The following SEPTIN3 variants were observed in gnomAD, a reference collection of about 807,000 sequenced individuals.
SEPTIN3 encodes the protein neuronal-specific septin-3.
In SEPTIN3, 15 loss-of-function variants were observed where a neutral mutation model predicts 45.1. That is an observed-to-expected ratio of 0.33 (90% CI 0.22 to 0.51). The LOEUF (loss-of-function observed/expected upper bound fraction) is 0.51, where lower values mean the gene tolerates loss of function less well. Among genes scored for constraint, SEPTIN3 ranks in the 20% least tolerant of loss-of-function variants. The probability of loss-of-function intolerance (pLI) is 0.97; values close to 1 mark genes in which losing one functional copy is unlikely to be tolerated. For missense variants in SEPTIN3, 289 were observed against 457.2 expected, an observed-to-expected ratio of 0.63 and a Z score of 3.35; for synonymous variants, 148 against 164.8, an observed-to-expected ratio of 0.90 and a Z score of 0.78.
In SEPTIN3 at chr22:41,994,172, G is replaced by A. The variant is rs1465851095; in HGVS notation, c.2360-118G>A. ...AATCTCTGGAAGGGTTACAAAAAAT[G>A]ACCTGTCCCATAGCTTTCTCCTAAA... On this transcript the variant is annotated intron_variant, in intron 9 of 11. Coordinates refer to ENST00000644076, the MANE Select transcript of SEPTIN3 (RefSeq NM_001363845.2). The surrounding 1 kb of genome is among the most constrained non-coding windows in gnomAD (Gnocchi z 4.2). 2 of 834,414 alleles carry A rather than the reference G, an allele frequency of 2.4e-6. No individual in the cohort carries two copies. Among genetic ancestry groups the A allele is most frequent in the Non-Finnish European group, 3.9e-6 (2 of 513,856 alleles). 51.7% of individuals were successfully genotyped at this position (834,414 alleles called of 1,614,324 possible).
intron 6 of SEPTIN3, among the ~76,000 whole-genome samples, chr22:41,988,333 G>A (rs1046727293): frequency 3.9e-5 from 6 of 152,172 alleles, no homozygotes; most frequent in African/African-American, 1.4e-4. Context: ...CTGATTGTGA[G>A]TGACAGGTGG....
At chr22:41,988,302 C>T (rs1403386404) in intron 6 of SEPTIN3, among the ~76,000 whole-genome samples, 2 of 152,230 alleles carry the variant, frequency 1.3e-5, no homozygotes, top group South Asian at 2.1e-4. Context: ...GAATAAGACA[C>T]ACACAAGCAT....
In SEPTIN3 at chr22:41,988,323, C is replaced by CTT. The variant is rs555380469; in HGVS notation, c.2045+565_2045+566insTT. Among the ~76,000 whole-genome samples, 9 of 152,212 alleles carry CTT rather than the reference C, an allele frequency of 5.9e-5. No homozygotes were observed. In the South Asian group the frequency reaches 1.9e-3, roughly 32 times the overall value. On this transcript the variant is annotated intron_variant, in intron 6 of 11. Transcript: ENST00000644076. ...GACACACACAAGCATGTTGGGAACT[C>CTT]TGATTGTGAGTGACAGGTGGGCCCC...
At chr22:41,987,031 C>T (rs2078220743) in intron 4 of SEPTIN3, among the ~76,000 whole-genome samples, 175 bp from the exon 5 acceptor site, 1 of 152,090 alleles carries the variant, frequency 6.6e-6, no homozygotes, top group South Asian at 2.1e-4. Flanking sequence ...ATTCCAGATT[C>T]CAGGTACAGG....
rs185409765 is a variant in SEPTIN3, at chr22:41,994,070, G to C, written c.2360-220G>C. Among the ~76,000 whole-genome samples, 1 of 152,122 alleles carries C rather than the reference G, an allele frequency of 6.6e-6. No homozygotes were observed. The highest frequency in any genetic ancestry group is 2.4e-5 in the African/African-American group (1 of 41,416). On this transcript the variant is annotated intron_variant, in intron 9 of 11. Transcript: ENST00000644076. This position sits in a 1 kb window ranked among gnomAD's most constrained non-coding sequence, Gnocchi z 4.2. ...TCCCTCTTGGCTATTATGCCACAGCGTCTAGAAGGATGTCGTGCCCATTGT... is the reference window on the plus strand; with the variant it reads ...TCCCTCTTGGCTATTATGCCACAGCCTCTAGAAGGATGTCGTGCCCATTGT...
intron 3 of SEPTIN3, among the ~76,000 whole-genome samples, chr22:41,983,002 C>T (rs563917077): frequency 7.2e-5 from 11 of 152,138 alleles, no homozygotes; most frequent in Non-Finnish European, 1.0e-4. Context: ...TGTCCTCTTC[C>T]TCCTTCATCC....
In SEPTIN3 at chr22:41,972,478, C is replaced by A; in HGVS notation, c.986C>A (p.Thr329Lys). Reference protein sequence around the residue: ...GKTVNLATAGTIKPGTAMNLT... With the variant: ...GKTVNLATAGKIKPGTAMNLT... ...ACCGTGAACTTGGCTACAGCAGGCA[C>A]AATCAAGCCGGGCACAGCCATGAAT... Residue 329 changes from threonine to lysine, a missense_variant, in exon 2 of 12, where the codon ACA becomes AAA. By Grantham distance (78) the Thr-to-Lys change is moderately conservative (BLOSUM62 -1). This residue lies in a region of SEPTIN3 where 200 missense variants were observed against 315.1 expected (regional missense o/e 0.63). Coordinates refer to ENST00000644076, the MANE Select transcript of SEPTIN3 (RefSeq NM_001363845.2). 2.5e-6 allele frequency: 1 copy of A among 399,074 alleles called. No individual in the cohort carries two copies. Among genetic ancestry groups the A allele is most frequent in the Non-Finnish European group, 4.4e-6 (1 of 226,108 alleles). 24.7% of individuals were successfully genotyped at this position (399,074 alleles called of 1,614,324 possible). A position where few individuals can be genotyped will look rare whatever the true frequency, so the allele number is the denominator to read the frequency against.
At chr22:41,981,485 CTT>C in intron 2 of SEPTIN3, 158 bp from the exon 3 acceptor site, 1 of 599,486 alleles carries the variant, frequency 1.7e-6, no homozygotes, top group Non-Finnish European at 2.9e-6. Context: ...GCCTCAGTCT[CTT>C]TGTCTATGAA....
chr22:41,978,743 G>A (rs931016023), intron 2 of SEPTIN3, among the ~76,000 whole-genome samples: 6 of 152,166 alleles, frequency 3.9e-5, no homozygotes, highest in Non-Finnish European at 5.9e-5. Flanking sequence ...ACCCCCATTT[G>A]ACAGCATATG....
Position 41,996,768 on chromosome 22 carries a change from C to A in SEPTIN3, c.2506-134C>A. On this transcript the variant is annotated intron_variant, in intron 11 of 11. Transcript: ENST00000644076. Reference sequence around the variant, plus strand: ...AAGATCTATGGGCATGGGAGGTGGGCGTTGGAAAGGCTGAGTAGGAATGGT... The same window carrying A: ...AAGATCTATGGGCATGGGAGGTGGGAGTTGGAAAGGCTGAGTAGGAATGGT... 5 of 1,524,248 alleles carry A rather than the reference C, an allele frequency of 3.3e-6. No homozygotes were observed. The South Asian group carries it at 6.5e-5, about 20-fold the overall frequency. The allele number at this position is 1,524,248 out of a possible 1,614,324, so 94.4% of individuals were successfully genotyped here.
intron 1 of SEPTIN3, 83 bp from the exon 2 acceptor site, chr22:41,971,391 C>A: frequency 2.5e-6 from 1 of 398,150 alleles, no homozygotes; most frequent in Non-Finnish European, 4.4e-6. Flanking sequence ...TGCTCAGCTG[C>A]TGGTCAGGAA....
intron 2 of SEPTIN3, among the ~76,000 whole-genome samples, chr22:41,973,411 C>T (rs1229415013): frequency 1.3e-5 from 2 of 150,794 alleles, no homozygotes; most frequent in Non-Finnish European, 2.9e-5. Context: ...AATCCCAGCA[C>T]TTTGGGATCT....
Position 41,986,176 on chromosome 22 carries a change from A to G in SEPTIN3, c.1825+64A>G, listed in dbSNP as rs978460106. On this transcript the variant is annotated intron_variant, in intron 4 of 11. Coordinates refer to ENST00000644076, the MANE Select transcript of SEPTIN3 (RefSeq NM_001363845.2). The stretch of plus-strand genomic sequence containing the variant: ...TGAGTGCCTCTGCTGGAAAGGGGAA[A>G]GAATGGGGCTTATTGAAGAATAAGA... 3.2e-6 allele frequency: 5 copies of G among 1,580,530 alleles called. No individual in the cohort carries two copies. In the Admixed American group the frequency reaches 8.7e-5, roughly 28 times the overall value.
rs752353131 is a variant in SEPTIN3 at position 41,986,066 on chromosome 22, G to A, written c.1779G>A (p.Arg593=). Residue 593 remains arginine (R), a synonymous_variant, in exon 4 of 12, where the codon CGG becomes CGA. Coordinates refer to ENST00000644076, the MANE Select transcript of SEPTIN3 (RefSeq NM_001363845.2). ...QVSRKASSWN[R]EEKIPKTVEI... ...GCCGCAAGGCCTCCAGCTGGAACCG[G>A]GAGGAGAAGATCCCCAAGACAGTGG... is the stretch of plus-strand genomic sequence containing the variant. The A allele has an allele frequency of 3.7e-6, 6 of 1,613,674 alleles. No individual in the cohort carries two copies. Among genetic ancestry groups the A allele is most frequent in the Admixed American group, 1.7e-5 (1 of 60,002 alleles).
intron 2 of SEPTIN3, among the ~76,000 whole-genome samples, chr22:41,977,455 C>A (rs1392019904): frequency 6.6e-6 from 1 of 152,158 alleles, no homozygotes; most frequent in Non-Finnish European, 1.5e-5. Context: ...TACAGGCACA[C>A]GCTGAGACAG....
Position 41,989,577 on chromosome 22 carries a change from C to G in SEPTIN3, c.2056C>G (p.Leu686Val). The change falls in exon 7 of 12, where the codon CTG becomes GTG. Residue 686 changes from leucine to valine, a missense_variant. Coordinates refer to ENST00000644076, the MANE Select transcript of SEPTIN3 (RefSeq NM_001363845.2). ...TTTTCTGTGCCCCAGCTTGCGACCTCTGGATCTTGAGTTCATGAAACACCT... is the reference window on the plus strand; with the variant it reads ...TTTTCTGTGCCCCAGCTTGCGACCTGTGGATCTTGAGTTCATGAAACACCT... ...ISPTGHSLRP[L>V]DLEFMKHLSK... 1.2e-6 allele frequency: 2 copies of G among 1,613,660 alleles called. No individual in the cohort carries two copies. The highest frequency in any genetic ancestry group is 1.7e-6 in the Non-Finnish European group (2 of 1,179,626).
chr22:41,993,239 T>C (rs1037668506), intron 9 of SEPTIN3, among the ~76,000 whole-genome samples: 66 of 152,190 alleles, frequency 4.3e-4, no homozygotes, highest in African/African-American at 1.5e-3. Flanking sequence ...GTTCTCAGAG[T>C]ATAAGCTACC....
intron 3 of SEPTIN3, among the ~76,000 whole-genome samples, chr22:41,985,079 TCTC>T (rs1426048053): frequency 1.5e-4 from 23 of 150,350 alleles, no homozygotes; most frequent in African/African-American, 5.4e-4. Flanking sequence ...ATGGACTCGA[TCTC>T]CTCCTGACCT....
At chr22:41,975,962 C>G (rs2078014921) in intron 2 of SEPTIN3, among the ~76,000 whole-genome samples, 1 of 152,082 alleles carries the variant, frequency 6.6e-6, no homozygotes, top group Non-Finnish European at 1.5e-5. Context: ...ACTTCTCCAG[C>G]CTCTTATTTA....
Sources: gnomAD v4.1 joint callset for allele counts (sites outside exome capture counted in the v4.1 genomes callset) on GRCh38, gnomAD v4.1.1 for gene constraint, gnomAD v4.1.1 regional missense constraint, Gnocchi (gnomAD v3.1) non-coding constraint, MANE v1.5 for transcripts, NCBI Gene and HGNC (gene_info 2026-07-23, HGNC 2026-07-21) for gene names.